Variants in ABHD18 observed in about 807,000 individuals in gnomAD.
The protein encoded by ABHD18 is abhydrolase domain containing 18, also known as cardiolipin-specific deacylase, mitochondrial.
A neutral mutation model predicts 65.9 loss-of-function variants in ABHD18; 55 were observed. That is an observed-to-expected ratio of 0.84 (90% CI 0.67 to 1.05). The LOEUF (loss-of-function observed/expected upper bound fraction) is 1.05, where lower values mean the gene tolerates loss of function less well. Ranked by LOEUF, ABHD18 falls within the 50% of genes least tolerant of loss-of-function variation. The probability of loss-of-function intolerance (pLI) is 0.00; values close to 1 mark genes in which losing one functional copy is unlikely to be tolerated. For missense variants in ABHD18, 533 were observed against 558.5 expected, an observed-to-expected ratio of 0.95 and a Z score of 0.46; for synonymous variants, 181 against 180.2, an observed-to-expected ratio of 1.00 and a Z score of -0.04.
At chr4:128,022,404 C>T (rs1356585454) in intron 10 of ABHD18, among the ~76,000 whole-genome samples, 1 of 152,156 alleles carries the variant, frequency 6.6e-6, no homozygotes, top group East Asian at 1.9e-4. Context: ...TATTGCTCTA[C>T]GTTGCCTGAA....
rs2276899 is a variant in ABHD18, at chr4:127,965,541, G to C, written c.-83G>C. 0.03 allele frequency: 8,607 copies of C among 283,246 alleles called. 609 individuals are homozygous for C. Among genetic ancestry groups the C allele is most frequent in the East Asian group, 0.28 (2,969 of 10,552 alleles). The allele number at this position is 283,246 out of a possible 1,614,324, so 17.5% of individuals were successfully genotyped here. A position where few individuals can be genotyped will look rare whatever the true frequency, so the allele number is the denominator to read the frequency against. On this transcript the variant is annotated 5_prime_UTR_variant, in exon 1 of 13. Transcript: ENST00000645843. Reference sequence around the variant, plus strand: ...GGACCAAAGTTGAGTCCTGGAAAGGGAGCCTGGAGAGCGGCGGTGCTGGGA... The same window carrying C: ...GGACCAAAGTTGAGTCCTGGAAAGGCAGCCTGGAGAGCGGCGGTGCTGGGA...
Position 128,029,109 on chromosome 4 carries a change from T to C in ABHD18, c.1180+256T>C, listed in dbSNP as rs1277875726. Among the ~76,000 whole-genome samples the C allele has an allele frequency of 2.0e-5, 3 of 151,920 alleles. No individual in the cohort carries two copies. In the East Asian group the frequency reaches 5.8e-4, roughly 29 times the overall value. ...GCTCATGCCTGTAATCCCAGCATTT[T>C]GGGAGGCTGAGGCAGGTGGATTGCT... On this transcript the variant is annotated intron_variant, in intron 11 of 12. Coordinates refer to ENST00000645843, the MANE Select transcript of ABHD18 (RefSeq NM_001358451.3).
intron 1 of ABHD18, among the ~76,000 whole-genome samples, chr4:127,981,207 A>G (rs1356332152): frequency 6.6e-6 from 1 of 152,206 alleles, no homozygotes; most frequent in African/African-American, 2.4e-5. Context: ...TTGTCAGGGT[A>G]TTAAATGTAT....
At chr4:128,026,654 T>C (rs1757411871) in intron 10 of ABHD18, among the ~76,000 whole-genome samples, 1 of 152,164 alleles carries the variant, frequency 6.6e-6, no homozygotes, top group East Asian at 1.9e-4. Context: ...TTGACTTTGG[T>C]TTTAGCATAT....
chr4:127,967,798 A>G (rs1396215704), intron 1 of ABHD18, among the ~76,000 whole-genome samples: 3 of 151,346 alleles, frequency 2.0e-5, no homozygotes, highest in Non-Finnish European at 2.9e-5. Context: ...ATTTTTTTTT[A>G]TAAAGCCCAT....
chr4:127,990,110 C>T (rs888263242), intron 4 of ABHD18, among the ~76,000 whole-genome samples: 1 of 152,122 alleles, frequency 6.6e-6, no homozygotes, highest in Non-Finnish European at 1.5e-5. Flanking sequence ...AATATGGTCA[C>T]AATGTGTGAA....
chr4:128,015,205 A>T (rs1439464774), intron 7 of ABHD18, among the ~76,000 whole-genome samples: 2 of 152,116 alleles, frequency 1.3e-5, no homozygotes, highest in Admixed American at 6.6e-5. Flanking sequence ...TGATCAAGCC[A>T]CTTCACTCCA....
At chr4:127,967,251 A>AG in intron 1 of ABHD18, among the ~76,000 whole-genome samples, 1 of 151,780 alleles carries the variant, frequency 6.6e-6, no homozygotes, top group South Asian at 2.1e-4. Flanking sequence ...CAATCCTCTG[A>AG]GGGGGGAATT....
At chr4:128,024,997 A>T (rs1405036978) in intron 10 of ABHD18, among the ~76,000 whole-genome samples, 1 of 151,834 alleles carries the variant, frequency 6.6e-6, no homozygotes, top group Non-Finnish European at 1.5e-5. Context: ...CGGCCAACCA[A>T]TTTTAATTCT....
At chr4:127,973,254 G>T (rs752300937) in intron 1 of ABHD18, among the ~76,000 whole-genome samples, 1 of 152,110 alleles carries the variant, frequency 6.6e-6, no homozygotes, top group Non-Finnish European at 1.5e-5. Context: ...GGACTCAAGC[G>T]GTCCTCTCAC....
chr4:128,009,087 G>A lies in ABHD18; in HGVS notation c.358-20G>A. The A allele has an allele frequency of 1.3e-6, 2 of 1,585,286 alleles. No individual in the cohort carries two copies. The highest frequency in any genetic ancestry group is 1.7e-6 in the Non-Finnish European group (2 of 1,170,470). ...GTGGCTACTATATTCTTTTGAGTAT[G>A]TGTTCTTTTCTTTCCTTAGCATTAC... On this transcript the variant is annotated intron_variant, in intron 5 of 12. Transcript: ENST00000645843.
At chr4:128,034,044 C>T (rs1036802899) in intron 12 of ABHD18, among the ~76,000 whole-genome samples, 5 of 149,454 alleles carry the variant, frequency 3.3e-5, no homozygotes, top group South Asian at 2.1e-4. Flanking sequence ...CTGCATCCTC[C>T]GCCTCCCAGG....
rs561087408 is a variant in ABHD18 at position 128,001,353 on chromosome 4, T to C, written c.279-7567T>C. 3.9e-5 allele frequency among the ~76,000 whole-genome samples: 6 copies of C among 152,334 alleles called. No homozygotes were observed. The East Asian group carries it at 1.2e-3, about 29-fold the overall frequency. ...TGAAGGTTTTTAACATGAAGTGATG[T>C]TGAATTTTATCGAAAGCCTTTTCTG... On this transcript the variant is annotated intron_variant, in intron 4 of 12. Transcript: ENST00000645843.
At chr4:128,002,044 G>A (rs1313045573) in intron 4 of ABHD18, among the ~76,000 whole-genome samples, 3 of 152,026 alleles carry the variant, frequency 2.0e-5, no homozygotes, top group Admixed American at 1.3e-4. Flanking sequence ...GGAGGACGAC[G>A]CAGGTGGATT....
intron 3 of ABHD18, among the ~76,000 whole-genome samples, chr4:127,988,678 C>T (rs1750405929): frequency 6.6e-6 from 1 of 152,196 alleles, no homozygotes; most frequent in African/African-American, 2.4e-5. Flanking sequence ...AAAAAATGCT[C>T]AGCATCACTA....
At chr4:128,016,453 T>G (rs1755507481) in intron 7 of ABHD18, among the ~76,000 whole-genome samples, 1 of 152,236 alleles carries the variant, frequency 6.6e-6, no homozygotes, top group Non-Finnish European at 1.5e-5. Flanking sequence ...TTTGGTTAAA[T>G]TCTTTATTTA....
At chr4:128,018,744 T>C (rs1334910404) in intron 8 of ABHD18, among the ~76,000 whole-genome samples, 5 of 152,168 alleles carry the variant, frequency 3.3e-5, no homozygotes, top group Non-Finnish European at 7.3e-5. Flanking sequence ...CTGGGCACGG[T>C]GGTTCACACC....
intron 1 of ABHD18, among the ~76,000 whole-genome samples, chr4:127,981,549 T>G (rs990239262): frequency 6.6e-6 from 1 of 152,180 alleles, no homozygotes. Flanking sequence ...AAATATTTGT[T>G]GAATGAAAAA....
chr4:127,978,007 A>G (rs1205094616), intron 1 of ABHD18, among the ~76,000 whole-genome samples: 1 of 152,274 alleles, frequency 6.6e-6, no homozygotes, highest in East Asian at 1.9e-4. Context: ...GAGTTAATAT[A>G]TGGATTGAAC....
Sources: gnomAD v4.1 joint callset for allele counts (sites outside exome capture counted in the v4.1 genomes callset) on GRCh38, gnomAD v4.1.1 for gene constraint, MANE v1.5 for transcripts, NCBI Gene and HGNC (gene_info 2026-07-23, HGNC 2026-07-21) for gene names.